Variants in DLG2 observed in about 807,000 individuals in gnomAD.
DLG2 encodes disks large homolog 2.
DLG2 carries 45 observed loss-of-function variants against 132.5 expected under a neutral mutation model. The ratio of observed to expected loss-of-function variants is 0.34; its 90% CI spans 0.27 to 0.44. The LOEUF (loss-of-function observed/expected upper bound fraction) is 0.44. Among genes scored for constraint, DLG2 ranks in the 20% least tolerant of loss-of-function variants. DLG2 has a pLI of 1.00. For missense variants in DLG2, 1,045 were observed against 1,196.9 expected, an observed-to-expected ratio of 0.87 and a Z score of 1.87; for synonymous variants, 424 against 419.6, an observed-to-expected ratio of 1.01 and a Z score of -0.13.
intron 2 of DLG2, among the ~76,000 whole-genome samples, chr11:85,599,285 G>C (rs1184150291): frequency 6.6e-6 from 1 of 151,706 alleles, no homozygotes; most frequent in Non-Finnish European, 1.5e-5. Context: ...TGCATGCGCA[G>C]ACACCCACAT....
At chr11:84,822,184 CA>C (rs1444605438) in intron 6 of DLG2, among the ~76,000 whole-genome samples, 5 of 151,742 alleles carry the variant, frequency 3.3e-5, no homozygotes, top group African/African-American at 7.3e-5. Flanking sequence ...TTTGAATGTC[CA>C]AAACACTTTA....
At position 84,312,959 on chromosome 11, in the gene DLG2, G is replaced by A. The variant is rs907408217; in HGVS notation, c.520-61668C>T. On this transcript the variant is annotated intron_variant, in intron 7 of 27. Transcript: ENST00000376104. ...CCAGTAGCTGGGACTACAGGTGCCC[G>A]CCACCACGCCCGGCCAATTTTTTTG... Among the ~76,000 whole-genome samples the A allele has an allele frequency of 5.3e-5, 8 of 150,012 alleles. No individual in the cohort carries two copies. The East Asian group carries it at 6.0e-4, about 11-fold the overall frequency.
At chr11:84,708,108 C>A (rs895108235) in intron 6 of DLG2, among the ~76,000 whole-genome samples, 2 of 151,686 alleles carry the variant, frequency 1.3e-5, no homozygotes, top group Non-Finnish European at 2.9e-5. Flanking sequence ...CCAAATAGTT[C>A]TTTGATCATC....
rs965644127 is a variant in DLG2 at position 83,456,909 on chromosome 11, A to G, written c.*2909T>C. 6.6e-6 allele frequency: 1 copy of G among 152,644 alleles called. No individual in the cohort carries two copies. Among genetic ancestry groups the G allele is most frequent in the Admixed American group, 6.5e-5 (1 of 15,282 alleles). 9.5% of individuals were successfully genotyped at this position (152,644 alleles called of 1,614,324 possible). On this transcript the variant is annotated 3_prime_UTR_variant, in exon 28 of 28. Transcript: ENST00000376104. ...AAAAAAGGCCTGCAAATAAATAGCC[A>G]AGAAATCCCGCAAAAGGCCTGCAAA...
At chr11:85,408,391 TTTATTATTA>T (rs368903660) in intron 3 of DLG2, among the ~76,000 whole-genome samples, 99 of 149,914 alleles carry the variant, frequency 6.6e-4, no homozygotes, top group Non-Finnish European at 1.8e-4. Context: ...TACTATTATT[TTTATTATTA>T]TTATTATTAT....
At chr11:85,331,439 A>T (rs2081739432) in intron 3 of DLG2, among the ~76,000 whole-genome samples, 1 of 152,160 alleles carries the variant, frequency 6.6e-6, no homozygotes, top group Non-Finnish European at 1.5e-5. Context: ...TGTTAATTCC[A>T]AAAGCCTGGT....
chr11:85,285,689 A>G (rs943334322), intron 3 of DLG2, among the ~76,000 whole-genome samples: 1 of 152,052 alleles, frequency 6.6e-6, no homozygotes, highest in African/African-American at 2.4e-5. Flanking sequence ...GATGAATCTT[A>G]AATGCATATT....
intron 6 of DLG2, among the ~76,000 whole-genome samples, chr11:84,718,063 G>C (rs151253704): frequency 1.7e-3 from 251 of 152,080 alleles, no homozygotes; most frequent in Non-Finnish European, 3.0e-3. Flanking sequence ...GGCTACAGTA[G>C]AAAGTCCCAA....
intron 7 of DLG2, among the ~76,000 whole-genome samples, chr11:84,427,288 AG>A (rs2098969996): frequency 6.6e-6 from 1 of 152,130 alleles, no homozygotes; most frequent in South Asian, 2.1e-4. Flanking sequence ...CGGAAGAAAA[AG>A]TTTTTACAAT....
rs1357218025 is a variant in DLG2 at position 84,821,641 on chromosome 11, ACAAC to A, written c.358-286914_358-286911del. Among the ~76,000 whole-genome samples, 25 of 80,976 alleles carry A rather than the reference ACAAC, an allele frequency of 3.1e-4. 1 individual carries two copies. Among genetic ancestry groups the A allele is most frequent in the African/African-American group, 5.8e-4 (15 of 25,812 alleles). The allele number at this position is 80,976 out of a possible 152,430, so 53.1% of individuals were successfully genotyped here. Reference sequence around the variant, plus strand: ...TTCATACAATGTAAAAAAAAAAAAAACAACAACAACAAAAAAAACAAAAAAACAA... The same window carrying A: ...TTCATACAATGTAAAAAAAAAAAAAAAACAACAAAAAAAACAAAAAAACAA... On this transcript the variant is annotated intron_variant, in intron 6 of 27. Transcript: ENST00000376104.
chr11:85,035,479 C>T (rs1337746000), intron 6 of DLG2, among the ~76,000 whole-genome samples: 2 of 151,918 alleles, frequency 1.3e-5, no homozygotes, highest in Non-Finnish European at 2.9e-5. Flanking sequence ...TGGCGGCAGG[C>T]GAGAGGTGAG....
At chr11:84,839,556 A>G (rs2080315481) in intron 6 of DLG2, among the ~76,000 whole-genome samples, 1 of 152,172 alleles carries the variant, frequency 6.6e-6, no homozygotes, top group Non-Finnish European at 1.5e-5. Context: ...AGCAAAAAGA[A>G]CAAAGCTGGA....
intron 18 of DLG2, among the ~76,000 whole-genome samples, chr11:83,701,828 T>A (rs1056338000): frequency 4.6e-5 from 7 of 152,110 alleles, no homozygotes; most frequent in Non-Finnish European, 1.0e-4. Flanking sequence ...AGAGAACAAG[T>A]GAGCCAGCTT....
intron 15 of DLG2, among the ~76,000 whole-genome samples, chr11:83,898,139 A>G (rs1232170245): frequency 6.6e-6 from 1 of 152,190 alleles, no homozygotes; most frequent in African/African-American, 2.4e-5. Flanking sequence ...AGGAACTATA[A>G]TAAATAATAG....
chr11:85,566,669 T>G (rs2077543630), intron 3 of DLG2, among the ~76,000 whole-genome samples: 1 of 152,084 alleles, frequency 6.6e-6, no homozygotes, highest in Admixed American at 6.6e-5. Flanking sequence ...TAATTAACTC[T>G]CACAGGCCCC....
At chr11:84,818,439 C>T (rs1172641638) in intron 6 of DLG2, among the ~76,000 whole-genome samples, 2 of 151,668 alleles carry the variant, frequency 1.3e-5, no homozygotes, top group Non-Finnish European at 2.9e-5. Flanking sequence ...ATTTATAAGC[C>T]TTAGGCTTGT....
intron 8 of DLG2, among the ~76,000 whole-genome samples, chr11:84,214,330 TTTA>T (rs1047547156): frequency 6.7e-6 from 1 of 149,068 alleles, no homozygotes; most frequent in African/African-American, 2.5e-5. Context: ...TATATATGTT[TTTA>T]TGTGTACATA....
intron 3 of DLG2, among the ~76,000 whole-genome samples, chr11:85,414,846 T>C (rs2089676251): frequency 6.6e-6 from 1 of 151,914 alleles, no homozygotes; most frequent in South Asian, 2.1e-4. Context: ...TATCATTATA[T>C]AATGTCCCTC....
At position 85,062,772 on chromosome 11, in the gene DLG2, G is replaced by A. The variant is rs545882154; in HGVS notation, c.357+48889C>T. ...GATCTGAAACTAAAATGGGCATTTT[G>A]CATGTATCTGCTTTTGAAGCCTCTG... On this transcript the variant is annotated intron_variant, in intron 6 of 27. Transcript: ENST00000376104. Among the ~76,000 whole-genome samples, 7 of 151,846 alleles carry A rather than the reference G, an allele frequency of 4.6e-5. No homozygotes were observed. In the East Asian group the frequency reaches 1.4e-3, roughly 30 times the overall value.
Sources: gnomAD v4.1 joint callset for allele counts (sites outside exome capture counted in the v4.1 genomes callset) on GRCh38, gnomAD v4.1.1 for gene constraint, MANE v1.5 for transcripts, NCBI Gene and HGNC (gene_info 2026-07-23, HGNC 2026-07-21) for gene names.